Variants in NADK observed in about 807,000 individuals in gnomAD.
NADK encodes poly(P)/ATP NAD kinase.
Under a neutral mutation model 49.8 loss-of-function variants are expected in NADK, and 22 were observed. That is an observed-to-expected ratio of 0.44 (90% CI 0.32 to 0.63). The LOEUF is 0.63. NADK is among the 30% of genes least tolerant of loss of function. NADK has a pLI of 0.06. For synonymous variants in NADK, 268 were observed against 253.7 expected (o/e 1.06, Z -0.54); for missense variants, 438 against 609.4 (o/e 0.72, Z 2.96).
At chr1:1,755,171 C>A (rs1645474220) in intron 7 of NADK, among the ~76,000 whole-genome samples, 2 of 152,248 alleles carry the variant, frequency 1.3e-5, no homozygotes, top group South Asian at 4.1e-4. Flanking sequence ...GCCCAACACA[C>A]ATGGCAGCTT....
chr1:1,759,609 C>T, intron 3 of NADK: 1 of 1,142,018 alleles, frequency 8.8e-7, no homozygotes, highest in Non-Finnish European at 1.2e-6. Flanking sequence ...GGAAGCCCTG[C>T]CCCTCCACAG....
intron 1 of NADK, among the ~76,000 whole-genome samples, chr1:1,774,380 G>A (rs367839136): frequency 1.4e-3 from 219 of 152,116 alleles, no homozygotes; most frequent in Non-Finnish European, 2.0e-3. Context: ...ACAGGTGTGC[G>A]CCACCACGCC....
rs139056453 is a variant in NADK, at chr1:1,754,557, G to A, written c.830C>T (p.Ala277Val). Residue 277 changes from alanine to valine, a missense_variant, in exon 8 of 12, where the codon GCC (alanine) becomes GTC (valine). Ala to Val is a moderately conservative substitution (Grantham distance 64). Coordinates refer to ENST00000341426, the MANE Select transcript of NADK (RefSeq NM_023018.5). This position sits in a 1 kb window ranked among gnomAD's most constrained non-coding sequence, Gnocchi z 4.3. Reference protein sequence around the residue: ...AGLDMDVGKQAMQYQVLNEVV... With the variant: ...AGLDMDVGKQVMQYQVLNEVV... ...GCCTCCACTCACCTGGTACTGCATGGCCTGCTTCCCGACATCCATGTCCAG... is the reference window on the plus strand; with the variant it reads ...GCCTCCACTCACCTGGTACTGCATGACCTGCTTCCCGACATCCATGTCCAG... 48 of 1,612,326 alleles carry A rather than the reference G, an allele frequency of 3.0e-5. No homozygotes were observed. In the African/African-American group the frequency reaches 5.5e-4, roughly 18 times the overall value.
At chr1:1,769,130 A>G (rs1428151647) in intron 1 of NADK, among the ~76,000 whole-genome samples, 2 of 152,248 alleles carry the variant, frequency 1.3e-5, no homozygotes, top group East Asian at 3.8e-4. Flanking sequence ...AGCTTAAGAC[A>G]TACCAGGCGG....
chr1:1,758,889 G>T (rs1645621398), intron 3 of NADK, among the ~76,000 whole-genome samples: 1 of 152,178 alleles, frequency 6.6e-6, no homozygotes, highest in Non-Finnish European at 1.5e-5. Flanking sequence ...CCACCGCTCT[G>T]GCCCGCGGAA....
At position 1,761,754 on chromosome 1, in the gene NADK, C is replaced by T. The variant is rs77276766; in HGVS notation, c.263+198G>A. On this transcript the variant is annotated intron_variant, in intron 3 of 11. Coordinates refer to ENST00000341426, the MANE Select transcript of NADK (RefSeq NM_023018.5). ...CTGCACTCAGGGGGTTCAGGGAGGA[C>T]GCCCATGTGGCTTTTTGTTTAAATG... 3,110 of 527,346 alleles carry T rather than the reference C, an allele frequency of 5.9e-3. 47 individuals are homozygous for T. Among genetic ancestry groups the T allele is most frequent in the African/African-American group, 0.042 (2,227 of 52,688 alleles). The allele number at this position is 527,346 out of a possible 1,614,324, so 32.7% of individuals were successfully genotyped here.
rs190241581 is a variant in NADK, at chr1:1,754,731, C to T, written c.689-33G>A. 182 of 1,581,718 alleles carry T rather than the reference C, an allele frequency of 1.2e-4. 2 individuals are homozygous for T. In the African/African-American group the frequency reaches 2.1e-3, roughly 18 times the overall value. ...CCAGCAGGAGTCAGAGGGCATGCAT[C>T]AGGGAAGTCAGTGGGGTCAGGGGCC... On this transcript the variant is annotated intron_variant, in intron 7 of 11. Transcript: ENST00000341426. The surrounding 1 kb of genome is among the most constrained non-coding windows in gnomAD (Gnocchi z 4.3).
chr1:1,753,109 C>T, intron 11 of NADK, 49 bp from the exon 12 acceptor site: 4 of 1,568,364 alleles, frequency 2.6e-6, no homozygotes, highest in Non-Finnish European at 3.5e-6. Flanking sequence ...GAAAGGCCCA[C>T]CCCCGGCCAA....
At chr1:1,761,269 G>C (rs1200881090) in intron 3 of NADK, among the ~76,000 whole-genome samples, 1 of 152,200 alleles carries the variant, frequency 6.6e-6, no homozygotes, top group Non-Finnish European at 1.5e-5. Flanking sequence ...GGGATTACAG[G>C]TGTGAGCCAC....
intron 1 of NADK, among the ~76,000 whole-genome samples, chr1:1,771,042 T>TA (rs34422935): frequency 0.038 from 5,006 of 130,394 alleles, 104 homozygotes; most frequent in Middle Eastern, 0.074. Context: ...TTTCATCTTA[T>TA]AAAAAAAAAA....
At chr1:1,753,415 C>A in intron 11 of NADK, 152 bp downstream of exon 11, 1 of 658,184 alleles carries the variant, frequency 1.5e-6, no homozygotes. Context: ...AGGACGGGTG[C>A]CCCGACTGTG....
At chr1:1,777,390 G>A (rs778356838) in intron 1 of NADK, among the ~76,000 whole-genome samples, 10 of 151,878 alleles carry the variant, frequency 6.6e-5, no homozygotes, top group Non-Finnish European at 1.3e-4. Flanking sequence ...ATGACATCAG[G>A]AGGAAAAAAA....
chr1:1,755,339 A>T, intron 7 of NADK, 35 bp downstream of exon 7: 1 of 1,466,378 alleles, frequency 6.8e-7, no homozygotes, highest in Non-Finnish European at 9.6e-7. Flanking sequence ...CGCCATGATC[A>T]GAGCTCCTGT....
chr1:1,776,440 A>C (rs919065070), intron 1 of NADK, among the ~76,000 whole-genome samples: 2 of 148,512 alleles, frequency 1.3e-5, no homozygotes, highest in South Asian at 2.1e-4. Flanking sequence ...AAACAACATA[A>C]ACCCACCTCC....
chr1:1,757,128 GC>G (rs746550458), intron 4 of NADK, 52 bp downstream of exon 4: 18 of 1,541,086 alleles, frequency 1.2e-5, no homozygotes, highest in Admixed American at 3.9e-5. Flanking sequence ...GTGGATGGAG[GC>G]CCCCCCAACT....
Position 1,756,244 on chromosome 1 carries a change from TGTC to T in NADK, c.585+11_585+13del. ...CTAGAACCTGGTGTGGGTCTGGAAA[TGTC>T]AGCGCTTCACCTGGAAAAGCGAGGA... On this transcript the variant is annotated intron_variant, in intron 6 of 11. Coordinates refer to ENST00000341426, the MANE Select transcript of NADK (RefSeq NM_023018.5). The T allele has an allele frequency of 2.5e-6, 4 of 1,612,734 alleles. No homozygotes were observed. Among genetic ancestry groups the T allele is most frequent in the Non-Finnish European group, 3.4e-6 (4 of 1,178,834 alleles).
chr1:1,765,984 G>A (rs1645872845), intron 1 of NADK, among the ~76,000 whole-genome samples: 1 of 151,318 alleles, frequency 6.6e-6, no homozygotes, highest in Admixed American at 6.6e-5. Context: ...GTCACACTGT[G>A]TGGCCAGGTG....
In NADK at chr1:1,753,702, C is replaced by T. The variant is rs991427138; in HGVS notation, c.1102-53G>A. ...GCCCCCAGCTGTGGGGAGGACGCTT[C>T]TAGGCACCCACCCCTGAGTGCTCGC... On this transcript the variant is annotated intron_variant, in intron 10 of 11. Transcript: ENST00000341426. 2.0e-6 allele frequency: 3 copies of T among 1,490,898 alleles called. No homozygotes were observed. In the East Asian group the frequency reaches 7.0e-5, roughly 35 times the overall value. The allele number at this position is 1,490,898 out of a possible 1,614,324, so 92.4% of individuals were successfully genotyped here.
intron 4 of NADK, 109 bp from the exon 5 acceptor site, chr1:1,756,717 A>C (rs1478025926): frequency 6.4e-7 from 1 of 1,571,958 alleles, no homozygotes; most frequent in Non-Finnish European, 8.6e-7. Context: ...CGTGGCCTGC[A>C]TGCCCGCCCC....
Sources: allele counts gnomAD v4.1 joint callset (sites outside exome capture counted in the v4.1 genomes callset), GRCh38; gene constraint gnomAD v4.1.1; non-coding constraint Gnocchi (gnomAD v3.1); transcripts MANE v1.5; gene names NCBI Gene and HGNC (gene_info 2026-07-23, HGNC 2026-07-21).